The following ANGPT1 variants were observed in gnomAD, a reference collection of about 807,000 sequenced individuals.
The protein encoded by ANGPT1 is angiopoietin 1.
Under a neutral mutation model 62.2 loss-of-function variants are expected in ANGPT1, and 17 were observed. That is an observed-to-expected ratio of 0.27 (90% CI 0.19 to 0.41). The LOEUF (loss-of-function observed/expected upper bound fraction) is 0.41, where lower values mean the gene tolerates loss of function less well. Among genes scored for constraint, ANGPT1 ranks in the 10% least tolerant of loss-of-function variants. ANGPT1 has a pLI of 1.00. For synonymous variants in ANGPT1, 199 were observed against 198.9 expected (o/e 1.00, Z 0.00); for missense variants, 478 against 594.9 (o/e 0.80, Z 2.04).
chr8:107,408,183 T>C (rs764257593), intron 1 of ANGPT1, among the ~76,000 whole-genome samples: 287 of 152,324 alleles, frequency 1.9e-3, no homozygotes, highest in Non-Finnish European at 2.9e-3. Context: ...ACAATAACAA[T>C]ATAAAATGTG....
intron 4 of ANGPT1, among the ~76,000 whole-genome samples, chr8:107,319,673 A>G (rs139870467): frequency 6.6e-6 from 1 of 152,140 alleles, no homozygotes; most frequent in African/African-American, 2.4e-5. Context: ...TCAATCTAGT[A>G]TTATGCTATT....
chr8:107,398,377 C>G (rs1375579434), intron 1 of ANGPT1, among the ~76,000 whole-genome samples: 2 of 151,824 alleles, frequency 1.3e-5, no homozygotes, highest in East Asian at 3.9e-4. Context: ...ATTTTAAGCC[C>G]TATTATTTCA....
intron 7 of ANGPT1, among the ~76,000 whole-genome samples, chr8:107,283,623 A>AG (rs1312713430): frequency 6.6e-6 from 1 of 152,172 alleles, no homozygotes; most frequent in African/African-American, 2.4e-5. Flanking sequence ...AACACACGCA[A>AG]GGGTTGGGTT....
At chr8:107,430,613 A>G (rs1284843146) in intron 1 of ANGPT1, among the ~76,000 whole-genome samples, 1 of 152,212 alleles carries the variant, frequency 6.6e-6, no homozygotes, top group Non-Finnish European at 1.5e-5. Context: ...GGTAAGCCCA[A>G]TGGAATCATA....
At chr8:107,441,568 C>T (rs573718632) in intron 1 of ANGPT1, among the ~76,000 whole-genome samples, 1 of 152,288 alleles carries the variant, frequency 6.6e-6, no homozygotes, top group South Asian at 2.1e-4. Flanking sequence ...AGGAGTCGGA[C>T]AGATCTTTAT....
intron 1 of ANGPT1, among the ~76,000 whole-genome samples, chr8:107,461,654 A>G (rs1380033647): frequency 2.0e-5 from 3 of 152,170 alleles, no homozygotes; most frequent in African/African-American, 7.2e-5. Flanking sequence ...CTGTCATTTA[A>G]AACCCATCAC....
intron 7 of ANGPT1, among the ~76,000 whole-genome samples, chr8:107,271,173 C>T (rs1394388801): frequency 6.6e-6 from 1 of 152,004 alleles, no homozygotes; most frequent in Non-Finnish European, 1.5e-5. Flanking sequence ...CATGACATCA[C>T]AGAGTTTGTA....
chr8:107,417,025 G>A (rs1237790734), intron 1 of ANGPT1, among the ~76,000 whole-genome samples: 3 of 151,986 alleles, frequency 2.0e-5, no homozygotes, highest in Non-Finnish European at 4.4e-5. Context: ...TCCTGACCTC[G>A]TGATCCGCCC....
intron 1 of ANGPT1, among the ~76,000 whole-genome samples, chr8:107,378,337 T>A (rs973629286): frequency 6.6e-6 from 1 of 152,196 alleles, no homozygotes; most frequent in African/African-American, 2.4e-5. Context: ...AAGGTGCATT[T>A]AGAAATATTA....
Position 107,251,813 on chromosome 8 carries a change from G to C in ANGPT1, c.*42C>G. On this transcript the variant is annotated 3_prime_UTR_variant, in exon 9 of 9. Transcript: ENST00000517746. ...AGTTTCTCACCTGGCAGCTTCTCCG[G>C]ATTTCTTTGTTGCTTTCATAATCGC... 6.2e-7 allele frequency: 1 copy of C among 1,608,246 alleles called. No homozygotes were observed. Among genetic ancestry groups the C allele is most frequent in the Non-Finnish European group, 8.5e-7 (1 of 1,176,432 alleles).
intron 1 of ANGPT1, among the ~76,000 whole-genome samples, chr8:107,380,439 G>A (rs1467903773): frequency 6.6e-6 from 1 of 151,502 alleles, no homozygotes; most frequent in Non-Finnish European, 1.5e-5. Flanking sequence ...TGTATATATA[G>A]TGACAAAATA....
At chr8:107,375,642 C>T (rs569053063) in intron 1 of ANGPT1, among the ~76,000 whole-genome samples, 2 of 152,244 alleles carry the variant, frequency 1.3e-5, no homozygotes, top group African/African-American at 4.8e-5. Context: ...GGACGAGGGA[C>T]GTTAGCCAGG....
intron 1 of ANGPT1, among the ~76,000 whole-genome samples, chr8:107,376,956 T>G (rs1004584385): frequency 6.6e-6 from 1 of 151,696 alleles, no homozygotes; most frequent in African/African-American, 2.4e-5. Flanking sequence ...ATCAAGTACA[T>G]TTTTTTTTCT....
chr8:107,354,061 T>C (rs1420138705), intron 1 of ANGPT1, among the ~76,000 whole-genome samples: 1 of 152,170 alleles, frequency 6.6e-6, no homozygotes, highest in Non-Finnish European at 1.5e-5. Context: ...TAATGATTCT[T>C]GTGGGACCAC....
chr8:107,470,931 C>T (rs1006273053), intron 1 of ANGPT1, among the ~76,000 whole-genome samples: 2 of 152,278 alleles, frequency 1.3e-5, no homozygotes, highest in African/African-American at 2.4e-5. Context: ...AGTAGGAACA[C>T]TTTTACACTG....
At chr8:107,372,045 AT>A (rs990845308) in intron 1 of ANGPT1, among the ~76,000 whole-genome samples, 4 of 152,124 alleles carry the variant, frequency 2.6e-5, no homozygotes, top group African/African-American at 7.2e-5. Context: ...AGAAAAAAAA[AT>A]GTGTTGTATG....
chr8:107,323,717 A>G (rs1815210724), intron 3 of ANGPT1, among the ~76,000 whole-genome samples: 3 of 152,102 alleles, frequency 2.0e-5, no homozygotes. Flanking sequence ...CCTCTCATTT[A>G]TGACATGGTT....
chr8:107,307,769 A>C (rs1343877750), intron 4 of ANGPT1, among the ~76,000 whole-genome samples: 1 of 152,152 alleles, frequency 6.6e-6, no homozygotes, highest in South Asian at 2.1e-4. Flanking sequence ...ACTGCGGCAC[A>C]AAAGATTTCT....
intron 1 of ANGPT1, among the ~76,000 whole-genome samples, chr8:107,426,874 C>G (rs1343871268): frequency 6.6e-6 from 1 of 152,142 alleles, no homozygotes; most frequent in Non-Finnish European, 1.5e-5. Flanking sequence ...AATATAGGAC[C>G]TATGTCACCA....
Sources: allele counts gnomAD v4.1 joint callset (sites outside exome capture counted in the v4.1 genomes callset), GRCh38; gene constraint gnomAD v4.1.1; transcripts MANE v1.5; gene names NCBI Gene and HGNC (gene_info 2026-07-23, HGNC 2026-07-21).